The following TBL1XR1 variants were observed in gnomAD, a reference collection of about 807,000 sequenced individuals.
TBL1XR1 encodes the protein TBL1X/Y related 1, also known as F-box-like/WD repeat-containing protein TBL1XR1.
In TBL1XR1, 5 loss-of-function variants were observed where a neutral mutation model predicts 66.9. That is an observed-to-expected ratio of 0.07 (90% CI 0.04 to 0.16). TBL1XR1 has a LOEUF of 0.16. TBL1XR1 is among the 10% of genes least tolerant of loss of function. TBL1XR1 has a pLI of 1.00. For synonymous variants in TBL1XR1, 210 were observed against 206.0 expected (o/e 1.02, Z -0.17); for missense variants, 238 against 623.2 (o/e 0.38, Z 6.58).
intron 1 of TBL1XR1, among the ~76,000 whole-genome samples, chr3:177,121,824 T>C (rs1334006774): frequency 6.6e-6 from 1 of 151,954 alleles, no homozygotes; most frequent in Non-Finnish European, 1.5e-5. Flanking sequence ...ATACTGCAAG[T>C]GGTTTAGAAT....
rs1181537783 is a variant in TBL1XR1 at position 177,023,994 on chromosome 3, T to C, written c.*1504A>G. On this transcript the variant is annotated 3_prime_UTR_variant, in exon 16 of 16. Transcript: ENST00000457928. ...ACATGGCCTCATGCAATCATTTGTCTGTATATGTTACTCTAAGTTGCATGA... is the reference window on the plus strand; with the variant it reads ...ACATGGCCTCATGCAATCATTTGTCCGTATATGTTACTCTAAGTTGCATGA... 1.3e-5 allele frequency: 2 copies of C among 152,054 alleles called. No individual in the cohort carries two copies. The highest frequency in any genetic ancestry group is 2.9e-5 in the Non-Finnish European group (2 of 67,924). 9.4% of individuals were successfully genotyped at this position (152,054 alleles called of 1,614,324 possible).
intron 2 of TBL1XR1, among the ~76,000 whole-genome samples, chr3:177,094,043 C>G (rs1293159098): frequency 6.6e-6 from 1 of 152,046 alleles, no homozygotes; most frequent in Non-Finnish European, 1.5e-5. Flanking sequence ...AACAGACAAC[C>G]CACAGAGTGA....
intron 1 of TBL1XR1, among the ~76,000 whole-genome samples, chr3:177,153,555 T>G (rs1370770928): frequency 6.6e-6 from 1 of 152,134 alleles, no homozygotes; most frequent in Non-Finnish European, 1.5e-5. Context: ...ACACTATATG[T>G]GAAATGCAAT....
At chr3:177,110,989 G>A (rs1018684528) in intron 1 of TBL1XR1, 1 of 152,234 alleles carries the variant, frequency 6.6e-6, no homozygotes, top group African/African-American at 2.4e-5. Flanking sequence ...TAACAACTCA[G>A]ACTCAACTAG....
chr3:177,192,934 C>A (rs1314038336), intron 1 of TBL1XR1, among the ~76,000 whole-genome samples: 1 of 152,058 alleles, frequency 6.6e-6, no homozygotes, highest in African/African-American at 2.4e-5. Context: ...AGGCACGTTA[C>A]CTGAGGTCAG....
At chr3:177,153,839 T>C (rs548015573) in intron 1 of TBL1XR1, among the ~76,000 whole-genome samples, 1 of 138,846 alleles carries the variant, frequency 7.2e-6, no homozygotes, top group African/African-American at 2.7e-5. Flanking sequence ...ATCGCGCCAC[T>C]GCACTCCAGC....
chr3:177,134,019 C>A (rs1047351810), intron 1 of TBL1XR1, among the ~76,000 whole-genome samples: 1 of 151,892 alleles, frequency 6.6e-6, no homozygotes, highest in African/African-American at 2.4e-5. Context: ...GTGCCCTTTT[C>A]TTCCCCGGGC....
Position 177,024,280 on chromosome 3 carries a change from G to A in TBL1XR1, c.*1218C>T, listed in dbSNP as rs543052179. 2 of 152,646 alleles carry A rather than the reference G, an allele frequency of 1.3e-5. No homozygotes were observed. The highest frequency in any genetic ancestry group is 4.1e-4 in the South Asian group (2 of 4,830). 9.5% of individuals were successfully genotyped at this position (152,646 alleles called of 1,614,324 possible). Reference sequence around the variant, plus strand: ...TGAAGCAAGTCTTTTGTTTGAGATTGTTTTTTAAACTAAGGTAGCAAACAT... The same window carrying A: ...TGAAGCAAGTCTTTTGTTTGAGATTATTTTTTAAACTAAGGTAGCAAACAT... On this transcript the variant is annotated 3_prime_UTR_variant, in exon 16 of 16. Coordinates refer to ENST00000457928, the MANE Select transcript of TBL1XR1 (RefSeq NM_024665.7).
intron 1 of TBL1XR1, among the ~76,000 whole-genome samples, chr3:177,112,194 G>A (rs561480485): frequency 1.4e-5 from 2 of 142,014 alleles, no homozygotes; most frequent in African/African-American, 5.2e-5. Flanking sequence ...TAAAACCTGC[G>A]TCTCCCGGGT....
At chr3:177,065,139 G>T (rs1718990444) in intron 2 of TBL1XR1, 117 bp from the exon 3 acceptor site, 2 of 584,462 alleles carry the variant, frequency 3.4e-6, no homozygotes, top group African/African-American at 2.0e-5. Flanking sequence ...GTTCTACATT[G>T]CCTAATAATA....
At chr3:177,122,351 A>AC (rs540577842) in intron 1 of TBL1XR1, among the ~76,000 whole-genome samples, 9 of 151,882 alleles carry the variant, frequency 5.9e-5, no homozygotes, top group Admixed American at 1.3e-4. Flanking sequence ...TAAGAATGTC[A>AC]CGCCTGATTG....
chr3:177,036,533 A>G (rs1714809507), intron 12 of TBL1XR1, among the ~76,000 whole-genome samples: 2 of 152,258 alleles, frequency 1.3e-5, no homozygotes, highest in South Asian at 4.1e-4. Flanking sequence ...AATATGTGGC[A>G]CAAGGCCCTC....
At chr3:177,201,240 G>A (rs1412702253), upstream of TBL1XR1, among the ~76,000 whole-genome samples, 5 of 151,570 alleles carry the variant, frequency 3.3e-5, no homozygotes, top group East Asian at 1.9e-4. Flanking sequence ...GTGAAACCCC[G>A]TCTCTACTAA....
At chr3:177,162,175 G>A (rs947805371) in intron 1 of TBL1XR1, among the ~76,000 whole-genome samples, 11 of 152,274 alleles carry the variant, frequency 7.2e-5, no homozygotes, top group South Asian at 2.1e-4. Context: ...TGTTGAAAAC[G>A]CCACATATCT....
rs376418228 is a variant in TBL1XR1, at chr3:177,135,307, CTGTGTGTGTG to C, written c.-121-36776_-121-36767del. 1.9e-4 allele frequency among the ~76,000 whole-genome samples: 14 copies of C among 72,594 alleles called. 1 individual carries two copies. The highest frequency in any genetic ancestry group is 2.6e-4 in the African/African-American group (5 of 19,160). 47.6% of individuals were successfully genotyped at this position (72,594 alleles called of 152,430 possible). A position where few individuals can be genotyped will look rare whatever the true frequency, so the allele number is the denominator to read the frequency against. ...GTGAGCCACCGCACAAGGCCGCACT[CTGTGTGTGTG>C]TGTGTGTGTGTGTGTGTATACATAT... is the stretch of plus-strand genomic sequence containing the variant. On this transcript the variant is annotated intron_variant, in intron 1 of 15. Coordinates refer to ENST00000457928, the MANE Select transcript of TBL1XR1 (RefSeq NM_024665.7).
chr3:177,146,873 A>C (rs757113570), intron 1 of TBL1XR1, among the ~76,000 whole-genome samples: 1 of 152,140 alleles, frequency 6.6e-6, no homozygotes, highest in Admixed American at 6.6e-5. Context: ...GGTTCTGCTC[A>C]TAACTCAAAT....
intron 14 of TBL1XR1, chr3:177,032,178 A>T (rs1199667602): frequency 6.6e-6 from 1 of 152,212 alleles, no homozygotes; most frequent in African/African-American, 2.4e-5. Flanking sequence ...AATAAAAACT[A>T]ATAAAAATTG....
At position 177,179,642 on chromosome 3, in the gene TBL1XR1, G is replaced by A. The variant is rs530043905; in HGVS notation, c.-122+17479C>T. Among the ~76,000 whole-genome samples, 152 of 152,196 alleles carry A rather than the reference G, an allele frequency of 1.0e-3. 2 individuals are homozygous for A. The highest frequency in any genetic ancestry group is 3.6e-3 in the African/African-American group (150 of 41,532). ...TCAAAGTTGCAACTACTCTTGGGAG[G>A]GCTTCAAACCAAGACCTTTAAATTC... On this transcript the variant is annotated intron_variant, in intron 1 of 15. Coordinates refer to ENST00000457928, the MANE Select transcript of TBL1XR1 (RefSeq NM_024665.7).
chr3:177,153,954 T>C (rs868738385), intron 1 of TBL1XR1, among the ~76,000 whole-genome samples: 1 of 135,116 alleles, frequency 7.4e-6, no homozygotes, highest in African/African-American at 2.8e-5. Flanking sequence ...AATAAGACAA[T>C]AGTAGAAATA....
Sources: allele counts gnomAD v4.1 joint callset (sites outside exome capture counted in the v4.1 genomes callset), GRCh38; gene constraint gnomAD v4.1.1; transcripts MANE v1.5; gene names NCBI Gene and HGNC (gene_info 2026-07-23, HGNC 2026-07-21).